The following TENM2 variants were observed in gnomAD, a reference collection of about 807,000 sequenced individuals.
The protein encoded by TENM2 is teneurin transmembrane protein 2.
A neutral mutation model predicts 245.2 loss-of-function variants in TENM2; 52 were observed. That is an observed-to-expected ratio of 0.21 (90% CI 0.17 to 0.27). The LOEUF is 0.27. Ranked by LOEUF, TENM2 falls within the 10% of genes least tolerant of loss-of-function variation. TENM2 has a pLI of 1.00. For missense variants in TENM2, 3,046 were observed against 3,666.8 expected, an observed-to-expected ratio of 0.83 and a Z score of 4.37; for synonymous variants, 1,363 against 1,438.9, an observed-to-expected ratio of 0.95 and a Z score of 1.19.
chr5:167,282,444 AC>A (rs1403771242), upstream of TENM2, among the ~76,000 whole-genome samples: 1 of 152,214 alleles, frequency 6.6e-6, no homozygotes, highest in African/African-American at 2.4e-5. Flanking sequence ...TAAGAAAAAA[AC>A]ATTTTTAAAA....
chr5:167,220,836 T>TG, the TENM2 span, among the ~76,000 whole-genome samples: 1 of 152,000 alleles, frequency 6.6e-6, no homozygotes, highest in African/African-American at 2.4e-5. Flanking sequence ...CACATTTTTT[T>TG]TTTTTTAAGA....
At chr5:167,685,840 G>A (rs1173051867) in intron 2 of TENM2, among the ~76,000 whole-genome samples, 2 of 152,086 alleles carry the variant, frequency 1.3e-5, no homozygotes, top group African/African-American at 4.8e-5. Flanking sequence ...GCAGCACCAA[G>A]GCTGGGTGAG....
chr5:167,768,346 C>G (rs928486597), intron 2 of TENM2, among the ~76,000 whole-genome samples: 2 of 152,102 alleles, frequency 1.3e-5, no homozygotes, highest in African/African-American at 2.4e-5. Flanking sequence ...TATTTTTAAA[C>G]TATTGAAAAT....
At chr5:167,645,601 T>C (rs916170391) in intron 2 of TENM2, among the ~76,000 whole-genome samples, 2 of 151,970 alleles carry the variant, frequency 1.3e-5, no homozygotes, top group African/African-American at 4.8e-5. Context: ...TTTTTTTTTT[T>C]TTCAGTAAAC....
the TENM2 span, among the ~76,000 whole-genome samples, chr5:167,083,657 A>T: frequency 6.6e-6 from 1 of 152,196 alleles, no homozygotes; most frequent in Non-Finnish European, 1.5e-5. Flanking sequence ...TTGATTCAAG[A>T]GGTCCAATGC....
At chr5:167,183,574 G>C in the TENM2 span, among the ~76,000 whole-genome samples, 1 of 152,086 alleles carries the variant, frequency 6.6e-6, no homozygotes, top group Non-Finnish European at 1.5e-5. Flanking sequence ...TAGGTTTCTT[G>C]TTGTTTACCA....
At chr5:167,009,297 G>A in the TENM2 span, among the ~76,000 whole-genome samples, 2 of 152,138 alleles carry the variant, frequency 1.3e-5, no homozygotes, top group African/African-American at 2.4e-5. Flanking sequence ...AGGCATAGAA[G>A]CATTCTTTCT....
intron 2 of TENM2, among the ~76,000 whole-genome samples, chr5:167,780,468 C>G (rs1396546150): frequency 6.6e-6 from 1 of 152,158 alleles, no homozygotes; most frequent in Non-Finnish European, 1.5e-5. Flanking sequence ...TGCCATTTTT[C>G]CCACATTTGT....
rs137970303 is a variant in TENM2 at position 167,973,022 on chromosome 5, T to A, written c.948-19922T>A. 2.3e-3 allele frequency among the ~76,000 whole-genome samples: 348 copies of A among 152,348 alleles called. 2 individuals carry two copies. The highest frequency in any genetic ancestry group is 8.0e-3 in the African/African-American group (333 of 41,588). On this transcript the variant is annotated intron_variant, in intron 4 of 28. Transcript: ENST00000518659. ...GTTGCCTTTCCTTTCTCATTATTATTTGGCAATGTTTGAGTTTGCCTCTTC... is the reference window on the plus strand; with the variant it reads ...GTTGCCTTTCCTTTCTCATTATTATATGGCAATGTTTGAGTTTGCCTCTTC...
At position 168,118,271 on chromosome 5, in the gene TENM2, C is replaced by T. The variant is rs1227111875; in HGVS notation, c.1814-21C>T. The T allele has an allele frequency of 2.0e-6, 3 of 1,500,326 alleles. No individual in the cohort carries two copies. The African/African-American group carries it at 4.1e-5, about 20-fold the overall frequency. The allele number at this position is 1,500,326 out of a possible 1,614,324, so 92.9% of individuals were successfully genotyped here. A position where few individuals can be genotyped will look rare whatever the true frequency, so the allele number is the denominator to read the frequency against. ...GATGCTGGCCCTTCGTGACCTAGTG[C>T]TCTGTCTTTGGTTTGTGCAGCTGCC... On this transcript the variant is annotated intron_variant, in intron 9 of 28. Coordinates refer to ENST00000518659, the Ensembl canonical transcript of TENM2.
chr5:168,090,526 C>A, intron 7 of TENM2, 48 bp from the exon 10 acceptor site: 1 of 1,529,386 alleles, frequency 6.5e-7, no homozygotes, highest in South Asian at 1.2e-5. Flanking sequence ...GGTATGGGAC[C>A]ACATCCACAC....
chr5:168,209,660 A>C (rs767562778), intron 19 of TENM2, among the ~76,000 whole-genome samples: 11 of 152,236 alleles, frequency 7.2e-5, no homozygotes, highest in Non-Finnish European at 1.3e-4. Flanking sequence ...CACTGATTAC[A>C]GATTTGTAAT....
At chr5:167,266,820 C>A in the TENM2 span, among the ~76,000 whole-genome samples, 1 of 152,096 alleles carries the variant, frequency 6.6e-6, no homozygotes, top group African/African-American at 2.4e-5. Flanking sequence ...GATGATAATA[C>A]AGATAAAAGT....
chr5:167,279,460 T>G, the TENM2 span, among the ~76,000 whole-genome samples: 2 of 152,156 alleles, frequency 1.3e-5, no homozygotes, highest in East Asian at 3.9e-4. Context: ...CTATCTTTCT[T>G]CCTTCCCTTC....
chr5:167,934,868 G>A, intron 3 of TENM2: 1 of 985,564 alleles, frequency 1.0e-6, no homozygotes, highest in South Asian at 4.7e-5. Context: ...GCTTAGCTTA[G>A]TACGCGTTCG....
At chr5:167,863,463 A>G (rs1772014775) in intron 2 of TENM2, among the ~76,000 whole-genome samples, 1 of 128,278 alleles carries the variant, frequency 7.8e-6, no homozygotes, top group Non-Finnish European at 1.6e-5. Flanking sequence ...AAAAATACAC[A>G]CACACACACA....
chr5:167,566,314 A>G (rs1262982592), intron 2 of TENM2, among the ~76,000 whole-genome samples: 2 of 152,132 alleles, frequency 1.3e-5, no homozygotes, highest in African/African-American at 4.8e-5. Context: ...TCTGAGATGC[A>G]CTAGAGTGTA....
intron 2 of TENM2, among the ~76,000 whole-genome samples, chr5:167,446,422 A>C (rs1371781941): frequency 6.6e-6 from 1 of 151,868 alleles, no homozygotes; most frequent in Non-Finnish European, 1.5e-5. Context: ...TGATTAAATC[A>C]CTCCTTCATC....
chr5:168,061,426 G>A (rs1401424452), intron 6 of TENM2, among the ~76,000 whole-genome samples: 2 of 152,156 alleles, frequency 1.3e-5, no homozygotes, highest in Admixed American at 1.3e-4. Context: ...TATTATTAAA[G>A]TTCTGAAGGA....
Sources: allele counts gnomAD v4.1 joint callset (sites outside exome capture counted in the v4.1 genomes callset), GRCh38; gene constraint gnomAD v4.1.1; transcripts MANE v1.5; gene names NCBI Gene and HGNC (gene_info 2026-07-23, HGNC 2026-07-21).